Variants in DGKH observed in about 807,000 individuals in gnomAD.
DGKH encodes the protein diacylglycerol kinase eta.
Under a neutral mutation model 159.3 loss-of-function variants are expected in DGKH, and 90 were observed. The observed-to-expected ratio is 0.57, with a 90% confidence interval of 0.48 to 0.67. DGKH has a LOEUF of 0.67. Ranked by LOEUF, DGKH falls within the 30% of genes least tolerant of loss-of-function variation. The pLI is 0.00. For synonymous variants in DGKH, 536 were observed against 553.8 expected (o/e 0.97, Z 0.45); for missense variants, 1,181 against 1,506.1 (o/e 0.78, Z 3.57).
chr13:42,078,620 G>C (rs1035797620), intron 1 of DGKH, among the ~76,000 whole-genome samples: 2 of 152,040 alleles, frequency 1.3e-5, no homozygotes, highest in Non-Finnish European at 2.9e-5. Flanking sequence ...GGGGGACATG[G>C]GGGATGCACA....
intron 7 of DGKH, 112 bp downstream of exon 7, chr13:42,160,248 G>T (rs1257794669): frequency 7.1e-7 from 1 of 1,409,390 alleles, no homozygotes; most frequent in Admixed American, 1.7e-5. Context: ...GAACCTGGTA[G>T]CATACGCATC....
rs1184709247 is a variant in DGKH, at chr13:42,219,494, G to A, written c.3333+145G>A. On this transcript the variant is annotated intron_variant, in intron 27 of 29. Transcript: ENST00000337343. ...TCTGTTCTTGAACAAATGAGAAAAG[G>A]CATTTATGTGAACGCATTTTAGGGG... The A allele has an allele frequency of 8.9e-6, 12 of 1,352,026 alleles. No homozygotes were observed. The African/African-American group carries it at 1.0e-4, about 12-fold the overall frequency. The allele number at this position is 1,352,026 out of a possible 1,614,324, so 83.8% of individuals were successfully genotyped here.
chr13:42,206,714 T>C (rs566716476), intron 21 of DGKH, among the ~76,000 whole-genome samples: 13 of 152,236 alleles, frequency 8.5e-5, no homozygotes, highest in Non-Finnish European at 1.5e-4. Flanking sequence ...CAAAGGCAGG[T>C]TGAATCCTTC....
chr13:42,191,005 A>G (rs950257580), intron 16 of DGKH, among the ~76,000 whole-genome samples: 3 of 152,202 alleles, frequency 2.0e-5, no homozygotes, highest in Non-Finnish European at 4.4e-5. Context: ...CTTCAAAATC[A>G]TAGGACTTTA....
At chr13:42,059,256 C>CA (rs1566079520) in intron 1 of DGKH, among the ~76,000 whole-genome samples, 1 of 144,560 alleles carries the variant, frequency 6.9e-6, no homozygotes, top group Admixed American at 6.9e-5. Context: ...TGTCTTTTTT[C>CA]TTTTTTTTTT....
chr13:42,172,747 C>T (rs1425715732), intron 11 of DGKH, among the ~76,000 whole-genome samples: 1 of 152,118 alleles, frequency 6.6e-6, no homozygotes, highest in African/African-American at 2.4e-5. Flanking sequence ...GATCTTGGCT[C>T]ACTGCAACCT....
intron 30 of DGKH, among the ~76,000 whole-genome samples, chr13:42,253,897 G>A (rs1958637780): frequency 6.6e-6 from 1 of 151,390 alleles, no homozygotes; most frequent in Non-Finnish European, 1.5e-5. Flanking sequence ...ATACCCATTG[G>A]ATTTTGCAAC....
intron 12 of DGKH, among the ~76,000 whole-genome samples, chr13:42,174,930 A>G (rs1237519758): frequency 6.6e-6 from 1 of 152,168 alleles, no homozygotes; most frequent in African/African-American, 2.4e-5. Flanking sequence ...GATATAGTTA[A>G]AGAAAGACCA....
intron 3 of DGKH, among the ~76,000 whole-genome samples, chr13:42,145,826 T>TG (rs1955714422): frequency 6.6e-6 from 1 of 152,204 alleles, no homozygotes; most frequent in Non-Finnish European, 1.5e-5. Context: ...AGTTAGCTAC[T>TG]GGGGGAGTAA....
At chr13:42,205,284 T>C (rs1957436931) in intron 20 of DGKH, among the ~76,000 whole-genome samples, 1 of 152,166 alleles carries the variant, frequency 6.6e-6, no homozygotes, top group South Asian at 2.1e-4. Flanking sequence ...TTTAAAAAAT[T>C]AGTTTCATAA....
intron 11 of DGKH, among the ~76,000 whole-genome samples, chr13:42,171,689 A>AT (rs984210047): frequency 1.3e-5 from 2 of 152,082 alleles, no homozygotes; most frequent in African/African-American, 4.8e-5. Context: ...CATCATACCT[A>AT]TTTTTTGCAC....
intron 1 of DGKH, among the ~76,000 whole-genome samples, chr13:42,071,840 G>A (rs1882992356): frequency 1.3e-5 from 2 of 152,166 alleles, no homozygotes; most frequent in Non-Finnish European, 2.9e-5. Context: ...TCACTTTGCC[G>A]CAGTCACCGC....
chr13:42,141,597 T>G (rs1441354560), intron 3 of DGKH, among the ~76,000 whole-genome samples: 3 of 152,326 alleles, frequency 2.0e-5, no homozygotes, highest in East Asian at 1.9e-4. Flanking sequence ...CCATTCTAAC[T>G]GGTGTGAGAT....
intron 30 of DGKH, chr13:42,252,579 A>C (rs570950235): frequency 1.3e-5 from 2 of 152,734 alleles, no homozygotes; most frequent in South Asian, 4.1e-4. Context: ...CTAGACCAGC[A>C]TGGTGGAAGC....
rs529217808 is a variant in DGKH, at chr13:42,196,991, C to T, written c.2168-1487C>T. ...TAACATGGCTGGGCGTGGTGGCTCA[C>T]GCCTGTAATCCCAGCATTTTGGGAG... is the stretch of plus-strand genomic sequence containing the variant. On this transcript the variant is annotated intron_variant, in intron 17 of 29. Transcript: ENST00000337343. 2.0e-3 allele frequency among the ~76,000 whole-genome samples: 306 copies of T among 152,102 alleles called. 1 individual carries two copies. Among genetic ancestry groups the T allele is most frequent in the African/African-American group, 7.1e-3 (293 of 41,522 alleles).
intron 1 of DGKH, among the ~76,000 whole-genome samples, chr13:42,124,619 G>C (rs1026369517): frequency 6.6e-6 from 1 of 152,164 alleles, no homozygotes; most frequent in Non-Finnish European, 1.5e-5. Context: ...TTTGCCCTGT[G>C]TTTACATGGG....
chr13:42,155,270 A>G, intron 3 of DGKH, 21 bp from the exon 4 acceptor site: 1 of 1,540,396 alleles, frequency 6.5e-7, no homozygotes, highest in Non-Finnish European at 8.8e-7. Context: ...AACAATCATT[A>G]GATTGAATTA....
intron 1 of DGKH, among the ~76,000 whole-genome samples, chr13:42,067,712 T>A (rs548560398): frequency 8.6e-4 from 131 of 152,184 alleles, no homozygotes; most frequent in African/African-American, 3.0e-3. Context: ...TTAATTAATT[T>A]TTTTTTTGCT....
Position 42,168,529 on chromosome 13 carries a change from A to G in DGKH, c.1208A>G (p.Lys403Arg), listed in dbSNP as rs1480039297. The change falls in exon 10 of 30, where the codon AAG becomes AGG. Residue 403 changes from lysine to arginine, a missense_variant. Lys to Arg is a conservative substitution (Grantham distance 26). This residue lies in a region of DGKH where 369 missense variants were observed against 519.4 expected (regional missense o/e 0.71). Coordinates refer to ENST00000337343, the MANE Select transcript of DGKH (RefSeq NM_178009.5). ...GGTTGGGTTTTGTCAGAAATCGATA[A>G]GCTCAACTTGAATAAACAGGCAAGT... ...SVGWVLSEID[K>R]LNLNKQCQLG... The G allele has an allele frequency of 6.2e-7, 1 of 1,614,058 alleles. No homozygotes were observed. Among genetic ancestry groups the G allele is most frequent in the Non-Finnish European group, 8.5e-7 (1 of 1,180,006 alleles).
Sources: allele counts gnomAD v4.1 joint callset (sites outside exome capture counted in the v4.1 genomes callset), GRCh38; gene constraint gnomAD v4.1.1; regional missense constraint gnomAD v4.1.1; transcripts MANE v1.5; gene names NCBI Gene and HGNC (gene_info 2026-07-23, HGNC 2026-07-21).